Variants in SYT7 observed in about 807,000 individuals in gnomAD.
SYT7 encodes synaptotagmin 7.
In SYT7, 29 loss-of-function variants were observed where a neutral mutation model predicts 75.1. The ratio of observed to expected loss-of-function variants is 0.39; its 90% confidence interval spans 0.29 to 0.53. The LOEUF (loss-of-function observed/expected upper bound fraction) is 0.53. Ranked by LOEUF, SYT7 falls within the 20% of genes least tolerant of loss-of-function variation. The probability of loss-of-function intolerance (pLI) is 0.77; values close to 1 mark genes in which losing one functional copy is unlikely to be tolerated. For synonymous variants in SYT7, 376 were observed against 401.7 expected (o/e 0.94, Z 0.76); for missense variants, 693 against 953.2 (o/e 0.73, Z 3.59).
At chr11:61,539,413 T>A (rs1294467285) in intron 6 of SYT7, 1 of 152,162 alleles carries the variant, frequency 6.6e-6, no homozygotes, top group Non-Finnish European at 1.5e-5. Context: ...GACCCTGCTG[T>A]CCCTGAAGAC....
intron 2 of SYT7, 26 bp downstream of exon 2, chr11:61,556,078 C>G: frequency 6.2e-7 from 1 of 1,602,846 alleles, no homozygotes; most frequent in Non-Finnish European, 8.5e-7. Context: ...AGGCACCACC[C>G]TCCAAGGGGC....
chr11:61,586,516 A>G, the SYT7 span, among the ~76,000 whole-genome samples: 1 of 152,200 alleles, frequency 6.6e-6, no homozygotes, highest in Non-Finnish European at 1.5e-5. Context: ...AGTCTGTACC[A>G]TAGGATGTTG....
intron 6 of SYT7, 53 bp from the exon 7 acceptor site, chr11:61,538,319 G>A: frequency 2.0e-6 from 3 of 1,506,320 alleles, no homozygotes; most frequent in Non-Finnish European, 2.7e-6. Context: ...GGCCCCGTGG[G>A]CGGGGGCAGG....
chr11:61,583,173 G>A (rs972657347), upstream of SYT7, among the ~76,000 whole-genome samples: 8 of 151,946 alleles, frequency 5.3e-5, no homozygotes, highest in Admixed American at 4.6e-4. Flanking sequence ...GCTGCAGTGA[G>A]CCATGATTGC....
intron 7 of SYT7, among the ~76,000 whole-genome samples, chr11:61,534,423 GCATA>G (rs1051879629): frequency 1.1e-4 from 14 of 131,944 alleles, no homozygotes; most frequent in Admixed American, 2.4e-4. Flanking sequence ...GCACACATGC[GCATA>G]CACACACGCA....
chr11:61,549,975 C>T (rs536233085), intron 3 of SYT7, among the ~76,000 whole-genome samples: 4 of 152,214 alleles, frequency 2.6e-5, no homozygotes, highest in Non-Finnish European at 4.4e-5. Flanking sequence ...CCCTGGCCCG[C>T]GGCTGTAAAC....
chr11:61,547,096 A>G, intron 4 of SYT7, 81 bp downstream of exon 4: 1 of 1,457,448 alleles, frequency 6.9e-7, no homozygotes, highest in Non-Finnish European at 9.1e-7. Flanking sequence ...GCGGGTCCAG[A>G]GGTGGGTGGG....
rs1354245283 is a variant in SYT7 at position 61,546,425 on chromosome 11, GAGAC to G, written c.348-174_348-171del. On this transcript the variant is annotated intron_variant, in intron 4 of 12. Coordinates refer to ENST00000539008, the MANE Select transcript of SYT7 (RefSeq NM_001365809.2). The surrounding 1 kb of genome is among the most constrained non-coding windows in gnomAD (Gnocchi z 7.6). ...GAGGAGGAGAGAGACAGACGGACAT[GAGAC>G]AGACAGAGAGAGAGAGAGAGACATC... 59 of 570,510 alleles carry G rather than the reference GAGAC, an allele frequency of 1.0e-4. No homozygotes were observed. The highest frequency in any genetic ancestry group is 1.5e-4 in the Non-Finnish European group (50 of 324,262). 35.3% of individuals were successfully genotyped at this position (570,510 alleles called of 1,614,324 possible).
chr11:61,548,834 G>A (rs910255549), intron 3 of SYT7, among the ~76,000 whole-genome samples: 6 of 152,218 alleles, frequency 3.9e-5, no homozygotes, highest in African/African-American at 7.2e-5. Context: ...AGATGGTGGC[G>A]TTGGGCATCC....
intron 1 of SYT7, among the ~76,000 whole-genome samples, chr11:61,568,174 G>T (rs957766546): frequency 6.7e-6 from 1 of 150,318 alleles, no homozygotes; most frequent in African/African-American, 2.5e-5. Flanking sequence ...CATAACTGCA[G>T]CCCACTCCTG....
At chr11:61,584,121 G>A (rs2064335378), upstream of SYT7, among the ~76,000 whole-genome samples, 1 of 152,190 alleles carries the variant, frequency 6.6e-6, no homozygotes, top group African/African-American at 2.4e-5. Flanking sequence ...TGGGCGCGGT[G>A]GCTCACGCCT....
chr11:61,559,787 G>A (rs1474280441), intron 1 of SYT7, among the ~76,000 whole-genome samples: 7 of 152,144 alleles, frequency 4.6e-5, no homozygotes, highest in African/African-American at 1.7e-4. Context: ...GAAGCCTGTC[G>A]ATCCCAGAGT....
chr11:61,534,413 G>A (rs549076453), intron 7 of SYT7, among the ~76,000 whole-genome samples: 34 of 149,806 alleles, frequency 2.3e-4, no homozygotes, highest in South Asian at 1.5e-3. Flanking sequence ...ACACACGCAC[G>A]CACACATGCG....
intron 1 of SYT7, among the ~76,000 whole-genome samples, chr11:61,557,526 T>C (rs2063530995): frequency 6.6e-6 from 1 of 152,110 alleles, no homozygotes; most frequent in African/African-American, 2.4e-5. Context: ...TCCAGCACCC[T>C]GGGCAGCCCT....
chr11:61,582,706 A>G (rs1432633973), upstream of SYT7, among the ~76,000 whole-genome samples: 2 of 152,252 alleles, frequency 1.3e-5, no homozygotes, highest in African/African-American at 2.4e-5. Flanking sequence ...CTCAGTGGCC[A>G]GAAATCTCAG....
chr11:61,540,131 C>G (rs1407105283), intron 6 of SYT7: 1 of 152,352 alleles, frequency 6.6e-6, no homozygotes, highest in East Asian at 1.9e-4. Flanking sequence ...GTCACTCTCT[C>G]CAGCTCTGCA....
chr11:61,577,234 C>A (rs2064109290), intron 1 of SYT7, among the ~76,000 whole-genome samples: 1 of 152,260 alleles, frequency 6.6e-6, no homozygotes. Flanking sequence ...TCCTCACCCC[C>A]TCTGGGTTTT....
intron 8 of SYT7, among the ~76,000 whole-genome samples, chr11:61,531,770 T>C (rs1436529306): frequency 1.3e-5 from 2 of 151,408 alleles, no homozygotes; most frequent in South Asian, 4.2e-4. Context: ...GGTGTACTAC[T>C]GTAATCCCAG....
At chr11:61,527,389 C>A (rs2062552943) in intron 9 of SYT7, among the ~76,000 whole-genome samples, 1 of 152,202 alleles carries the variant, frequency 6.6e-6, no homozygotes, top group African/African-American at 2.4e-5. Flanking sequence ...GGCTCAGGAA[C>A]TTGCCCAAGG....
Sources: allele counts gnomAD v4.1 joint callset (sites outside exome capture counted in the v4.1 genomes callset), GRCh38; gene constraint gnomAD v4.1.1; non-coding constraint Gnocchi (gnomAD v3.1); transcripts MANE v1.5; gene names NCBI Gene and HGNC (gene_info 2026-07-23, HGNC 2026-07-21).